ITPR1: variants seen among roughly 807,000 people sequenced by gnomAD.
The protein encoded by ITPR1 is inositol 1,4,5-trisphosphate-gated calcium channel ITPR1.
ITPR1 carries 96 observed loss-of-function variants against 318.4 expected under a neutral mutation model. That is an observed-to-expected ratio of 0.30 (90% CI 0.26 to 0.36). The LOEUF is 0.36. Ranked by LOEUF, ITPR1 falls within the 10% of genes least tolerant of loss-of-function variation. The pLI, the probability that ITPR1 is intolerant of heterozygous loss-of-function variation, is 1.00. For synonymous variants in ITPR1, 1,312 were observed against 1,289.9 expected, an observed-to-expected ratio of 1.02 and a Z score of -0.37; for missense variants, 2,440 against 3,460.2, an observed-to-expected ratio of 0.71 and a Z score of 7.40.
chr3:4,732,717 A>C (rs1387038994), intron 42 of ITPR1, among the ~76,000 whole-genome samples: 1 of 152,154 alleles, frequency 6.6e-6, no homozygotes, highest in African/African-American at 2.4e-5. Flanking sequence ...TTGAAATAAC[A>C]TTTTTATATT....
rs1473868194 is a variant in ITPR1, at chr3:4,663,219, T to C, written c.1554+13T>C. 7.5e-6 allele frequency: 12 copies of C among 1,603,632 alleles called. No individual in the cohort carries two copies. The African/African-American group carries it at 1.6e-4, about 21-fold the overall frequency. Reference sequence around the variant, plus strand: ...TATTCTCAAGCAGGTCGGTGAGATGTGGCGTACTGGGGATTTGGCTTTATG... The same window carrying C: ...TATTCTCAAGCAGGTCGGTGAGATGCGGCGTACTGGGGATTTGGCTTTATG... On this transcript the variant is annotated intron_variant, in intron 16 of 61. Transcript: ENST00000649015.
intron 4 of ITPR1, among the ~76,000 whole-genome samples, chr3:4,527,005 G>A (rs1339514179): frequency 6.6e-6 from 1 of 152,226 alleles, no homozygotes; most frequent in Non-Finnish European, 1.5e-5. Flanking sequence ...AAAAGTAAAT[G>A]AGGATGCTTT....
intron 4 of ITPR1, among the ~76,000 whole-genome samples, chr3:4,604,391 C>G (rs117756496): frequency 0.021 from 3,229 of 152,170 alleles, 109 homozygotes; most frequent in South Asian, 0.14. Flanking sequence ...TGTCCCATTC[C>G]TGAGGATGGG....
At chr3:4,812,584 GACTTAGTGAA>G (rs1559939755) in intron 56 of ITPR1, among the ~76,000 whole-genome samples, 1 of 152,142 alleles carries the variant, frequency 6.6e-6, no homozygotes, top group African/African-American at 2.4e-5. Flanking sequence ...TAGTTGGCCC[GACTTAGTGAA>G]ATACTACTGG....
At chr3:4,761,271 G>T (rs545452257) in intron 44 of ITPR1, among the ~76,000 whole-genome samples, 1 of 152,118 alleles carries the variant, frequency 6.6e-6, no homozygotes, top group East Asian at 1.9e-4. Flanking sequence ...CCTTGCCCCC[G>T]CCCAGGCACT....
rs368425885 is a variant in ITPR1, at chr3:4,733,144, G to A, written c.5277G>A (p.Ser1759=). ...GTTACTATGGAAACGTCAGACCTTC[G>A]GGACGAAGAGAGAGCCTTACCAGCT... The part of the protein sequence containing the change: ...VNRYYGNVRP[S]GRRESLTSFG... Residue 1759 remains serine (S), a synonymous_variant, in exon 43 of 62, where the codon TCG becomes TCA. Coordinates refer to ENST00000649015, the MANE Select transcript of ITPR1 (RefSeq NM_001378452.1). 113 of 1,613,758 alleles carry A rather than the reference G, an allele frequency of 7.0e-5. No homozygotes were observed. The African/African-American group carries it at 1.2e-3, about 18-fold the overall frequency.
intron 2 of ITPR1, among the ~76,000 whole-genome samples, chr3:4,507,339 A>G (rs948308122): frequency 2.0e-5 from 3 of 152,182 alleles, no homozygotes; most frequent in African/African-American, 4.8e-5. Flanking sequence ...ACCAGCTCCT[A>G]GAGTACATAG....
At position 4,665,079 on chromosome 3, in the gene ITPR1, G is replaced by C. The variant is rs2093918041; in HGVS notation, c.1555-59G>C. The C allele has an allele frequency of 7.6e-6, 12 of 1,579,760 alleles. No homozygotes were observed. In the Admixed American group the frequency reaches 2.0e-4, roughly 26 times the overall value. ...CTTGAGCTTGCATTACTTCCAAACA[G>C]AGGGTTAGCTTTGAAGCCCTAAGTG... On this transcript the variant is annotated intron_variant, in intron 16 of 61. Coordinates refer to ENST00000649015, the MANE Select transcript of ITPR1 (RefSeq NM_001378452.1).
chr3:4,583,082 G>T (rs1489913193), intron 4 of ITPR1, among the ~76,000 whole-genome samples: 1 of 152,084 alleles, frequency 6.6e-6, no homozygotes. Context: ...AGGAGAAGAA[G>T]AAGATTTCTA....
Position 4,551,796 on chromosome 3 carries a change from T to A in ITPR1, c.163+30702T>A, listed in dbSNP as rs546729455. 2.6e-5 allele frequency among the ~76,000 whole-genome samples: 4 copies of A among 152,362 alleles called. No homozygotes were observed. The South Asian group carries it at 8.3e-4, about 32-fold the overall frequency. ...AAATCAGAGAAGTCGGCTTAAGTTA[T>A]ATAGCTGGTAAGTCAACAAGCAATA... On this transcript the variant is annotated intron_variant, in intron 4 of 61. Coordinates refer to ENST00000649015, the MANE Select transcript of ITPR1 (RefSeq NM_001378452.1).
At chr3:4,777,407 T>G (rs765408062) in intron 48 of ITPR1, 33 bp downstream of exon 48, 158 of 1,333,024 alleles carry the variant, frequency 1.2e-4, no homozygotes, top group Non-Finnish European at 1.1e-4. Context: ...AGACAGTCAT[T>G]TGGAAACAGT....
chr3:4,704,371 C>T (rs564629751), intron 36 of ITPR1, among the ~76,000 whole-genome samples: 4 of 152,190 alleles, frequency 2.6e-5, no homozygotes, highest in Non-Finnish European at 2.9e-5. Flanking sequence ...GAGATCACGC[C>T]GCTGCACTCC....
intron 44 of ITPR1, among the ~76,000 whole-genome samples, chr3:4,738,908 G>A (rs2043490399): frequency 6.6e-6 from 1 of 151,842 alleles, no homozygotes; most frequent in Non-Finnish European, 1.5e-5. Context: ...GGGTGCGGGT[G>A]TGGCCGCACG....
chr3:4,741,514 C>G (rs2043699661), intron 44 of ITPR1, among the ~76,000 whole-genome samples: 1 of 151,106 alleles, frequency 6.6e-6, no homozygotes, highest in African/African-American at 2.4e-5. Context: ...AGAGAGTGAT[C>G]CCTGGTTCAT....
At chr3:4,584,776 C>G (rs932841704) in intron 4 of ITPR1, among the ~76,000 whole-genome samples, 4 of 144,640 alleles carry the variant, frequency 2.8e-5, no homozygotes, top group Admixed American at 6.8e-5. Context: ...CACAGAAAGA[C>G]CCCCGTTCAT....
intron 26 of ITPR1, among the ~76,000 whole-genome samples, chr3:4,682,700 AC>A (rs2094323520): frequency 6.6e-6 from 1 of 152,134 alleles, no homozygotes; most frequent in Non-Finnish European, 1.5e-5. Context: ...AAACCTTCAC[AC>A]CTTTTTGGAA....
chr3:4,739,690 A>T (rs1041397246), intron 44 of ITPR1, among the ~76,000 whole-genome samples: 1 of 152,196 alleles, frequency 6.6e-6, no homozygotes, highest in Non-Finnish European at 1.5e-5. Context: ...CCACCTAAAA[A>T]TTTAATAGCC....
intron 60 of ITPR1, among the ~76,000 whole-genome samples, chr3:4,821,739 C>T (rs2049736377): frequency 1.3e-5 from 2 of 152,180 alleles, no homozygotes; most frequent in Non-Finnish European, 2.9e-5. Context: ...CTGGAACTGC[C>T]TACAGACAAG....
At chr3:4,531,430 G>C (rs75684840) in intron 4 of ITPR1, among the ~76,000 whole-genome samples, 2,660 of 152,186 alleles carry the variant, frequency 0.017, 32 homozygotes, top group Non-Finnish European at 0.027. Flanking sequence ...TCTGAGTGTG[G>C]ACACCTCCTC....
Sources: gnomAD v4.1 joint callset for allele counts (sites outside exome capture counted in the v4.1 genomes callset) on GRCh38, gnomAD v4.1.1 for gene constraint, MANE v1.5 for transcripts, NCBI Gene and HGNC (gene_info 2026-07-23, HGNC 2026-07-21) for gene names.